PIKFYVE: variants seen among roughly 807,000 people sequenced by gnomAD.
PIKFYVE encodes the protein phosphoinositide kinase, FYVE-type zinc finger containing.
In PIKFYVE, 122 loss-of-function variants were observed where a neutral mutation model predicts 257.9. The observed-to-expected ratio is 0.47, with a 90% CI of 0.41 to 0.55. The LOEUF is 0.55. Among genes scored for constraint, PIKFYVE ranks in the 20% least tolerant of loss-of-function variants. The pLI, the probability that PIKFYVE is intolerant of heterozygous loss-of-function variation, is 0.00. For missense variants in PIKFYVE, 2,160 were observed against 2,536.6 expected (o/e 0.85, Z 3.19); for synonymous variants, 892 against 868.9 (o/e 1.03, Z -0.47).
At chr2:208,347,810 A>G (rs770106335) in intron 34 of PIKFYVE, 49 bp from the exon 35 acceptor site, 10 of 1,504,924 alleles carry the variant, frequency 6.6e-6, no homozygotes, top group Non-Finnish European at 7.3e-6. Context: ...TTTATTTTTC[A>G]TCTGTAGTGA....
intron 16 of PIKFYVE, among the ~76,000 whole-genome samples, chr2:208,318,531 T>G (rs1695824514): frequency 1.3e-5 from 2 of 152,228 alleles, no homozygotes; most frequent in Admixed American, 1.3e-4. Context: ...ATCTTTTGAT[T>G]CTCAGTGTAG....
At chr2:208,298,925 C>A in intron 8 of PIKFYVE, 146 bp downstream of exon 8, 2 of 1,027,128 alleles carry the variant, frequency 1.9e-6, no homozygotes, top group East Asian at 5.3e-5. Context: ...TCCCTGCAAC[C>A]TCTGCCTCTC....
intron 7 of PIKFYVE, among the ~76,000 whole-genome samples, chr2:208,290,050 C>G (rs1031139522): frequency 6.6e-6 from 1 of 152,186 alleles, no homozygotes; most frequent in African/African-American, 2.4e-5. Context: ...CCCACACATG[C>G]ACAATCTTCA....
intron 16 of PIKFYVE, among the ~76,000 whole-genome samples, chr2:208,318,526 T>C (rs1189635050): frequency 6.6e-6 from 1 of 152,234 alleles, no homozygotes; most frequent in African/African-American, 2.4e-5. Flanking sequence ...CTGAAATCTT[T>C]TGATTCTCAG....
intron 38 of PIKFYVE, 111 bp downstream of exon 38, chr2:208,351,566 G>A: frequency 4.3e-6 from 4 of 934,072 alleles, no homozygotes; most frequent in Non-Finnish European, 7.0e-6. Flanking sequence ...CTGAGGCTGG[G>A]TAATTTGTAA....
intron 5 of PIKFYVE, among the ~76,000 whole-genome samples, chr2:208,278,312 A>G (rs1559393854): frequency 6.6e-6 from 1 of 151,462 alleles, no homozygotes; most frequent in Non-Finnish European, 1.5e-5. Context: ...TTCCACCTAA[A>G]CTACTACAGA....
In PIKFYVE at chr2:208,277,805, T is replaced by C; in HGVS notation, c.613+97T>C. The C allele has an allele frequency of 2.2e-6, 3 of 1,372,954 alleles. No individual in the cohort carries two copies. The South Asian group carries it at 3.6e-5, about 16-fold the overall frequency. The allele number at this position is 1,372,954 out of a possible 1,614,324, so 85.0% of individuals were successfully genotyped here. ...TGTTAAGCCAATTTTCATTTTGGGT[T>C]TTATGTGTAAGACATGGGGACACAA... On this transcript the variant is annotated intron_variant, in intron 5 of 41. Coordinates refer to ENST00000264380, the MANE Select transcript of PIKFYVE (RefSeq NM_015040.4).
At chr2:208,305,490 T>C in intron 12 of PIKFYVE, 1 of 895,708 alleles carries the variant, frequency 1.1e-6, no homozygotes. Flanking sequence ...CCATAATAAT[T>C]CATAATGCTT....
intron 35 of PIKFYVE, among the ~76,000 whole-genome samples, chr2:208,349,656 A>T (rs1465803): frequency 5.3e-5 from 8 of 151,548 alleles, no homozygotes; most frequent in African/African-American, 1.9e-4. Context: ...ATTGCAAACT[A>T]TTGGGGAAAC....
chr2:208,356,360 G>A lies in PIKFYVE; in HGVS notation c.*1055G>A, dbSNP rs1700160092. 6.6e-6 allele frequency: 1 copy of A among 152,158 alleles called. No individual in the cohort carries two copies. Among genetic ancestry groups the A allele is most frequent in the Non-Finnish European group, 1.5e-5 (1 of 68,036 alleles). 9.4% of individuals were successfully genotyped at this position (152,158 alleles called of 1,614,324 possible). On this transcript the variant is annotated 3_prime_UTR_variant, in exon 42 of 42. Coordinates refer to ENST00000264380, the MANE Select transcript of PIKFYVE (RefSeq NM_015040.4). Reference sequence around the variant, plus strand: ...TGGCTAGTTCTGACTACTAAGAAATGTTAAGAAATAGGCCAAGTGCGGTGG... The same window carrying A: ...TGGCTAGTTCTGACTACTAAGAAATATTAAGAAATAGGCCAAGTGCGGTGG...
At chr2:208,296,524 A>G (rs902599740) in intron 7 of PIKFYVE, among the ~76,000 whole-genome samples, 1 of 152,194 alleles carries the variant, frequency 6.6e-6, no homozygotes, top group African/African-American at 2.4e-5. Flanking sequence ...ATAGTTGGAT[A>G]TATGAGTCCA....
chr2:208,318,383 C>G (rs1387698728), intron 16 of PIKFYVE, among the ~76,000 whole-genome samples: 1 of 152,136 alleles, frequency 6.6e-6, no homozygotes, highest in African/African-American at 2.4e-5. Context: ...AGCACTAGCA[C>G]AAAGGAGTGG....
chr2:208,325,281 A>G lies in PIKFYVE; in HGVS notation c.2470A>G (p.Thr824Ala). The part of the protein sequence containing the change: ...IFQLPNEQTK[T>A]LMFFEGCPQH... ...GTTTTTGTTTGTAGAACAAACCAAG[A>G]CACTGATGTTTTTTGAAGGTTGTCC... Residue 824 changes from threonine (T) to alanine (A), a missense_variant, in exon 20 of 42, where the codon ACA (threonine) becomes GCA (alanine). By Grantham distance (58) the Thr-to-Ala change is moderately conservative. Transcript: ENST00000264380. 6.2e-7 allele frequency: 1 copy of G among 1,613,912 alleles called. No individual in the cohort carries two copies. The highest frequency in any genetic ancestry group is 8.5e-7 in the Non-Finnish European group (1 of 1,179,908).
At position 208,350,909 on chromosome 2, in the gene PIKFYVE, G is replaced by A. The variant is rs2289170; in HGVS notation, c.5573G>A (p.Arg1858Gln). The change falls in exon 37 of 42, where the codon CGG (arginine) becomes CAG (glutamine). Residue 1858 changes from arginine to glutamine, a missense_variant. By Grantham distance (43) the Arg-to-Gln change is conservative (BLOSUM62 1). Transcript: ENST00000264380. ...TCCCACTCATCACCCTGGCAGGCCC[G>A]GGGAGGCAAATCAGGAGCTGCCTTC... Reference protein sequence around the residue: ...SLSHSSPWQARGGKSGAAFYA... With the variant: ...SLSHSSPWQAQGGKSGAAFYA... The A allele has an allele frequency of 3.9e-4, 636 of 1,614,096 alleles. 6 individuals are homozygous for A. In the East Asian group the frequency reaches 0.011, roughly 28 times the overall value.
At chr2:208,293,194 C>T (rs1054424535) in intron 7 of PIKFYVE, among the ~76,000 whole-genome samples, 3 of 151,280 alleles carry the variant, frequency 2.0e-5, no homozygotes, top group African/African-American at 7.3e-5. Context: ...TACCTTATAA[C>T]AAAATACTCC....
chr2:208,286,416 G>A (rs1691583055), intron 6 of PIKFYVE, among the ~76,000 whole-genome samples: 1 of 152,064 alleles, frequency 6.6e-6, no homozygotes, highest in African/African-American at 2.4e-5. Flanking sequence ...ATACTGCACT[G>A]CTACTTCATG....
At chr2:208,280,956 C>A (rs1465824113) in intron 5 of PIKFYVE, among the ~76,000 whole-genome samples, 14 of 150,074 alleles carry the variant, frequency 9.3e-5, no homozygotes, top group Admixed American at 5.3e-4. Flanking sequence ...TGCCTATTGG[C>A]CCCTGCCACC....
At chr2:208,314,267 TAAC>T (rs776225163) in intron 13 of PIKFYVE, 24 bp from the exon 14 acceptor site, 7 of 1,603,638 alleles carry the variant, frequency 4.4e-6, no homozygotes, top group Non-Finnish European at 5.1e-6. Context: ...AATGAAGTAA[TAAC>T]TTCTTATTTT....
chr2:208,274,588 C>G (rs1401479712), intron 3 of PIKFYVE, among the ~76,000 whole-genome samples: 2 of 152,042 alleles, frequency 1.3e-5, no homozygotes, highest in Non-Finnish European at 2.9e-5. Context: ...AGAAACTGAG[C>G]AAAAGTAGAG....
Sources: allele counts gnomAD v4.1 joint callset (sites outside exome capture counted in the v4.1 genomes callset), GRCh38; gene constraint gnomAD v4.1.1; transcripts MANE v1.5; gene names NCBI Gene and HGNC (gene_info 2026-07-23, HGNC 2026-07-21).